Variants in OAS2 observed in about 807,000 individuals in gnomAD.
OAS2 encodes the protein 2'-5'-oligoadenylate synthetase 2.
Under a neutral mutation model 71.3 loss-of-function variants are expected in OAS2, and 67 were observed. The observed-to-expected ratio is 0.94, with a 90% CI of 0.77 to 1.15. The LOEUF (loss-of-function observed/expected upper bound fraction) is 1.15. Ranked by LOEUF, OAS2 falls within the 50% of genes most tolerant of loss-of-function variation. OAS2 has a pLI of 0.00. For missense variants in OAS2, 789 were observed against 822.5 expected (o/e 0.96, Z 0.50); for synonymous variants, 327 against 321.8 (o/e 1.02, Z -0.17).
intron 6 of OAS2, among the ~76,000 whole-genome samples, chr12:113,003,399 T>C (rs58752586): frequency 0.037 from 5,599 of 152,256 alleles, 327 homozygotes; most frequent in African/African-American, 0.12. Context: ...GTCATCACCT[T>C]TTCTTCTGTG....
chr12:113,001,817 A>G (rs2525848), intron 5 of OAS2, among the ~76,000 whole-genome samples: 115,196 of 145,058 alleles, frequency 0.79, 46,722 homozygotes, highest in East Asian at 1. Context: ...CTTAAGACCA[A>G]GAGTTTGAGA....
intron 1 of OAS2, among the ~76,000 whole-genome samples, chr12:112,984,852 A>G (rs2044118143): frequency 6.6e-6 from 1 of 152,094 alleles, no homozygotes; most frequent in Admixed American, 6.5e-5. Context: ...GTGGTGATGA[A>G]TTCCCTCTGT....
At chr12:112,980,053 TTTATC>T (rs1442333407) in intron 1 of OAS2, among the ~76,000 whole-genome samples, 42 of 152,332 alleles carry the variant, frequency 2.8e-4, no homozygotes, top group African/African-American at 9.4e-4. Context: ...GGTACAGTTG[TTTATC>T]TTTTCATTGT....
Position 113,011,088 on chromosome 12 carries a change from A to G in OAS2, c.*1833A>G, listed in dbSNP as rs2044377268. ...CAGGAGTATCCTCTTGCCAAATCAA[A>G]AGACTTTTTCCTTGGGCTTTAGCCT... On this transcript the variant is annotated 3_prime_UTR_variant, in exon 10 of 10. Transcript: ENST00000392583. 2 of 144,522 alleles carry G rather than the reference A, an allele frequency of 1.4e-5. No homozygotes were observed. The highest frequency in any genetic ancestry group is 4.9e-5 in the African/African-American group (2 of 40,976). The allele number at this position is 144,522 out of a possible 1,614,324, so 9.0% of individuals were successfully genotyped here.
Position 112,997,591 on chromosome 12 carries a change from G to A in OAS2, c.699G>A (p.Trp233Ter), listed in dbSNP as rs1322317168. The change falls in exon 4 of 10, where the codon TGG becomes TGA. Residue 233 changes from tryptophan (W) to a stop codon, truncating the protein, a stop_gained. Coordinates refer to ENST00000392583, the MANE Select transcript of OAS2 (RefSeq NM_002535.3). LOFTEE classifies it high-confidence loss of function. ...TGGAGCTGCTTACGGTGTATGCCTG[G>A]GAACAGGGGTGCAGAAAAGACAACT... Reference protein sequence around the residue: ...YALELLTVYAWEQGCRKDNFD... With the variant: ...YALELLTVYA 2 of 1,614,056 alleles carry A rather than the reference G, an allele frequency of 1.2e-6. No homozygotes were observed. The highest frequency in any genetic ancestry group is 1.7e-5 in the Admixed American group (1 of 60,002).
At chr12:112,986,634 G>A (rs2136378634) in intron 1 of OAS2, among the ~76,000 whole-genome samples, 1 of 152,310 alleles carries the variant, frequency 6.6e-6, no homozygotes, top group East Asian at 1.9e-4. Flanking sequence ...GGCAGGTGGG[G>A]CGAGCCTGTC....
intron 8 of OAS2, among the ~76,000 whole-genome samples, chr12:113,007,035 C>G (rs1486627394): frequency 3.3e-5 from 5 of 152,214 alleles, no homozygotes; most frequent in Non-Finnish European, 7.3e-5. Flanking sequence ...AACTGGTCAG[C>G]CCCTGAGCCC....
At chr12:112,999,582 A>G (rs1437693361) in intron 5 of OAS2, among the ~76,000 whole-genome samples, 1 of 152,212 alleles carries the variant, frequency 6.6e-6, no homozygotes, top group Non-Finnish European at 1.5e-5. Flanking sequence ...TGGGGAGTCT[A>G]TGAATGGGGA....
At chr12:112,993,108 C>T (rs565091011) in intron 2 of OAS2, among the ~76,000 whole-genome samples, 15 of 119,938 alleles carry the variant, frequency 1.3e-4, no homozygotes, top group African/African-American at 4.3e-4. Flanking sequence ...GAAAAGCAAC[C>T]TACAGGGGAA....
At position 113,009,676 on chromosome 12, in the gene OAS2, A is replaced by C; in HGVS notation, c.*421A>C. The C allele has an allele frequency of 1.0e-6, 1 of 989,806 alleles. No homozygotes were observed. The highest frequency in any genetic ancestry group is 1.2e-6 in the Non-Finnish European group (1 of 833,094). The allele number at this position is 989,806 out of a possible 1,614,324, so 61.3% of individuals were successfully genotyped here. ...TTTGCAATCCAAGCAGGAAGAAGGA[A>C]AAGATACCCAAAGGTCAAGAACACA... On this transcript the variant is annotated 3_prime_UTR_variant, in exon 10 of 10. Transcript: ENST00000392583.
In OAS2 at chr12:112,978,594, A is replaced by C; in HGVS notation, c.-15A>C. ...TCCTACCATTCACTGTCTTGCCGGC[A>C]GCCAGCTGAGAGCAATGGGAAATGG... On this transcript the variant is annotated 5_prime_UTR_variant, in exon 1 of 10. Coordinates refer to ENST00000392583, the MANE Select transcript of OAS2 (RefSeq NM_002535.3). This position sits in a 1 kb window ranked among gnomAD's most constrained non-coding sequence, Gnocchi z 4.2. 6.2e-7 allele frequency: 1 copy of C among 1,613,588 alleles called. No homozygotes were observed. Among genetic ancestry groups the C allele is most frequent in the Non-Finnish European group, 8.5e-7 (1 of 1,179,730 alleles).
chr12:112,979,142 G>C (rs1938297667), intron 1 of OAS2, among the ~76,000 whole-genome samples: 1 of 152,214 alleles, frequency 6.6e-6, no homozygotes, highest in Admixed American at 6.5e-5. Context: ...CCACAGTACA[G>C]AGGAGTAAAC....
intron 1 of OAS2, among the ~76,000 whole-genome samples, chr12:112,979,034 A>T (rs940811978): frequency 6.6e-6 from 1 of 152,142 alleles, no homozygotes; most frequent in Non-Finnish European, 1.5e-5. Flanking sequence ...CCCACTTCAG[A>T]GTATCGTAAG....
At chr12:113,001,018 T>TA (rs1565995636) in intron 5 of OAS2, among the ~76,000 whole-genome samples, 1 of 152,068 alleles carries the variant, frequency 6.6e-6, no homozygotes, top group African/African-American at 2.4e-5. Context: ...ACTGCTGTTT[T>TA]AAAAAAATGC....
chr12:113,003,099 C>T lies in OAS2; in HGVS notation c.1176C>T (p.Val392=), dbSNP rs1349466970. The change falls in exon 6 of 10, where the codon GTC becomes GTT. Residue 392 remains valine, a synonymous_variant. Coordinates refer to ENST00000392583, the MANE Select transcript of OAS2 (RefSeq NM_002535.3). ...AATCAACAGCCAAGATCCAGATTGT[C>T]CGGGTGAGCACTGGCCTTTCTCATG... ...FRQSTAKIQI[V]RGGSTAKGTA... 1 of 1,614,052 alleles carries T rather than the reference C, an allele frequency of 6.2e-7. No individual in the cohort carries two copies. The highest frequency in any genetic ancestry group is 1.7e-5 in the Admixed American group (1 of 60,030).
At chr12:112,982,124 T>A (rs1223518774) in intron 1 of OAS2, among the ~76,000 whole-genome samples, 3 of 152,192 alleles carry the variant, frequency 2.0e-5, no homozygotes, top group Non-Finnish European at 4.4e-5. Context: ...AGAGGTTTTC[T>A]TGGTGGAGTC....
intron 2 of OAS2, chr12:112,988,247 G>A: frequency 1.0e-6 from 1 of 983,104 alleles, no homozygotes; most frequent in Non-Finnish European, 1.2e-6. Context: ...AAAATTCTTG[G>A]CCAAATTGAA....
In OAS2 at chr12:113,005,161, GA is replaced by G; in HGVS notation, c.1410del (p.Lys470AsnfsTer23). The G allele has an allele frequency of 6.2e-7, 1 of 1,614,132 alleles. No individual in the cohort carries two copies. ...KAPRVLSFSL[K>X]SKVLNESVSF... Reference sequence around the variant, plus strand: ...CTCCCAGGGTGCTGAGCTTCTCTCTGAAATCCAAAGTCCTCAACGAAAGTGT... The same window carrying G: ...CTCCCAGGGTGCTGAGCTTCTCTCTGAATCCAAAGTCCTCAACGAAAGTGT... On this transcript the variant is annotated frameshift_variant, in exon 7 of 10. Coordinates refer to ENST00000392583, the MANE Select transcript of OAS2 (RefSeq NM_002535.3). LOFTEE classifies it high-confidence loss of function.
intron 2 of OAS2, among the ~76,000 whole-genome samples, chr12:112,993,952 TG>T (rs2044213128): frequency 1.8e-5 from 1 of 55,694 alleles, no homozygotes; most frequent in East Asian, 6.6e-3. Flanking sequence ...TTTGTTTGGT[TG>T]TTTTTTTGTG....
Sources: gnomAD v4.1 joint callset for allele counts (sites outside exome capture counted in the v4.1 genomes callset) on GRCh38, gnomAD v4.1.1 for gene constraint, Gnocchi (gnomAD v3.1) non-coding constraint, MANE v1.5 for transcripts, NCBI Gene and HGNC (gene_info 2026-07-23, HGNC 2026-07-21) for gene names.